NCOA4: variants seen among roughly 807,000 people sequenced by gnomAD.
NCOA4 encodes 70 kDa AR-activator.
Under a neutral mutation model 69.5 loss-of-function variants are expected in NCOA4, and 31 were observed. That is an observed-to-expected ratio of 0.45 (90% CI 0.34 to 0.60). The LOEUF is 0.60. Among genes scored for constraint, NCOA4 ranks in the 20% least tolerant of loss-of-function variants. The pLI is 0.02. For synonymous variants in NCOA4, 228 were observed against 252.4 expected (o/e 0.90, Z 0.92); for missense variants, 600 against 719.2 (o/e 0.83, Z 1.90).
At chr10:46,013,434 CTCAT>C in intron 6 of NCOA4, 112 bp downstream of exon 6, 1 of 705,442 alleles carries the variant, frequency 1.4e-6, no homozygotes. Flanking sequence ...CATAAACTAA[CTCAT>C]TGCCACTGGT....
At chr10:46,016,393 T>C (rs1476161083) in intron 2 of NCOA4, 147 bp downstream of exon 2, 1 of 588,846 alleles carries the variant, frequency 1.7e-6, no homozygotes, top group Non-Finnish European at 2.7e-6. Flanking sequence ...GGCACCAGTA[T>C]ATCAGGCAAC....
chr10:46,026,053 G>A (rs782478198), intron 1 of NCOA4, among the ~76,000 whole-genome samples: 1 of 152,116 alleles, frequency 6.6e-6, no homozygotes, highest in African/African-American at 2.4e-5. Context: ...TTGGACAAAC[G>A]GATGAATATA....
At chr10:46,022,491 A>C in intron 1 of NCOA4, 1 of 459,976 alleles carries the variant, frequency 2.2e-6, no homozygotes, top group Non-Finnish European at 4.4e-6. Context: ...TTTGAGACGG[A>C]GTCTAGCTCT....
intron 1 of NCOA4, chr10:46,023,598 T>G: frequency 2.2e-6 from 2 of 897,848 alleles, no homozygotes; most frequent in South Asian, 5.1e-5. Context: ...TGGGCCTCCC[T>G]GCTAGACGCC....
At chr10:46,014,725 A>G (rs1839434854) in intron 4 of NCOA4, 129 bp downstream of exon 4, 1 of 809,692 alleles carries the variant, frequency 1.2e-6, no homozygotes, top group Non-Finnish European at 2.0e-6. Flanking sequence ...AAATACATGA[A>G]GCAGAATGAT....
At chr10:46,010,036 C>T (rs189536737) in intron 8 of NCOA4, among the ~76,000 whole-genome samples, 187 bp downstream of exon 8, 1 of 152,240 alleles carries the variant, frequency 6.6e-6, no homozygotes, top group African/African-American at 2.4e-5. Flanking sequence ...GTGGTGCACA[C>T]CTATGGTCCC....
In NCOA4 at chr10:46,010,700, A is replaced by C. The variant is rs782146794; in HGVS notation, c.1221T>G (p.Asn407Lys). 4.3e-6 allele frequency: 7 copies of C among 1,614,070 alleles called. No homozygotes were observed. The South Asian group carries it at 7.7e-5, about 18-fold the overall frequency. Residue 407 changes from asparagine to lysine, a missense_variant, in exon 8 of 10, where the codon AAT becomes AAG. By Grantham distance (94) the Asn-to-Lys change is moderately conservative. Coordinates refer to ENST00000581486, the MANE Select transcript of NCOA4 (RefSeq NM_001145263.2). ...PCKVEEVCRA[N>K]EPCTSFAECV... Reference sequence around the variant, plus strand: ...ACTCTGCAAAGCTTGTGCAGGGCTCATTGGCTCTGCACACCTCCTCTACCT... The same window carrying C: ...ACTCTGCAAAGCTTGTGCAGGGCTCCTTGGCTCTGCACACCTCCTCTACCT...
Position 46,010,996 on chromosome 10 carries a change from G to A in NCOA4, c.925C>T (p.Gln309Ter), listed in dbSNP as rs1839172365. ...GGCTTCCGCAGCTTATGGGATTCCT[G>A]GGGAGTCACTAGCCAATCTGATAGG... ...MDLSDWLVTP[Q>*]ESHKLRKPEN... Residue 309 changes from glutamine (Q) to a stop codon, truncating the protein, a stop_gained, in exon 8 of 10, where the codon CAG (glutamine) becomes TAG (stop). Transcript: ENST00000581486. LOFTEE classifies it high-confidence loss of function. 1 of 1,613,796 alleles carries A rather than the reference G, an allele frequency of 6.2e-7. No individual in the cohort carries two copies. The highest frequency in any genetic ancestry group is 1.3e-5 in the African/African-American group (1 of 74,896).
At chr10:46,027,197 G>T (rs1840202598) in intron 1 of NCOA4, among the ~76,000 whole-genome samples, 1 of 145,758 alleles carries the variant, frequency 6.9e-6, no homozygotes, top group Non-Finnish European at 1.5e-5. Flanking sequence ...CGTGAACCCG[G>T]AAGGCGGAGC....
chr10:46,012,589 G>GT (rs1839300500), intron 7 of NCOA4, among the ~76,000 whole-genome samples: 1 of 151,628 alleles, frequency 6.6e-6, no homozygotes, highest in Non-Finnish European at 1.5e-5. Context: ...TTTAAAATAT[G>GT]TATGTATAGA....
At chr10:46,023,737 T>C (rs1840024133) in intron 1 of NCOA4, among the ~76,000 whole-genome samples, 2 of 152,228 alleles carry the variant, frequency 1.3e-5, no homozygotes, top group Admixed American at 6.5e-5. Flanking sequence ...ATGAGAATTA[T>C]ATATGAACTA....
At chr10:46,015,088 C>T (rs782212652) in intron 3 of NCOA4, 38 bp downstream of exon 3, 5 of 1,613,690 alleles carry the variant, frequency 3.1e-6, no homozygotes, top group Non-Finnish European at 4.2e-6. Context: ...CAACCAGAAG[C>T]CATGCTCAAA....
intron 9 of NCOA4, 135 bp from the exon 10 acceptor site, chr10:46,006,732 TTG>T: frequency 2.4e-6 from 2 of 840,840 alleles, no homozygotes; most frequent in East Asian, 2.6e-5. Context: ...AATTAAGCAT[TTG>T]TGTCATGAAC....
chr10:46,007,868 C>A (rs183807934), intron 9 of NCOA4, among the ~76,000 whole-genome samples: 147 of 152,208 alleles, frequency 9.7e-4, no homozygotes, highest in African/African-American at 2.8e-3. Flanking sequence ...GAATTGCAGG[C>A]CTGAGCCACT....
chr10:46,023,567 CCCCTGCAGCT>C, intron 1 of NCOA4: 1 of 972,084 alleles, frequency 1.0e-6, no homozygotes, highest in Non-Finnish European at 1.2e-6. Context: ...GCTCGCGGCC[CCCCTGCAGCT>C]CCCTCCCCGC....
chr10:46,013,135 C>A, intron 6 of NCOA4, 109 bp from the exon 7 acceptor site: 1 of 995,998 alleles, frequency 1.0e-6, no homozygotes, highest in South Asian at 1.5e-5. Flanking sequence ...AAATCATGTG[C>A]CTTCCAAGAG....
At chr10:46,015,994 A>AT (rs1554923107) in intron 2 of NCOA4, among the ~76,000 whole-genome samples, 2 of 152,180 alleles carry the variant, frequency 1.3e-5, no homozygotes, top group Admixed American at 6.5e-5. Context: ...TTTAAAACAC[A>AT]TTTTTTTCTG....
chr10:46,013,890 TA>T (rs34658678), intron 5 of NCOA4, among the ~76,000 whole-genome samples: 2 of 151,906 alleles, frequency 1.3e-5, no homozygotes, highest in Admixed American at 1.3e-4. Context: ...CGTTCTTTAT[TA>T]AAAACTATTC....
intron 6 of NCOA4, 57 bp downstream of exon 6, chr10:46,013,493 C>T: frequency 1.5e-6 from 2 of 1,296,918 alleles, no homozygotes; most frequent in Non-Finnish European, 2.2e-6. Context: ...ATATAAAACC[C>T]AAAGGAAGTA....
Sources: allele counts gnomAD v4.1 joint callset (sites outside exome capture counted in the v4.1 genomes callset), GRCh38; gene constraint gnomAD v4.1.1; transcripts MANE v1.5; gene names NCBI Gene and HGNC (gene_info 2026-07-23, HGNC 2026-07-21).